The following PTPRD variants were observed in gnomAD, a reference collection of about 807,000 sequenced individuals.
PTPRD encodes the protein receptor-type tyrosine-protein phosphatase delta.
A neutral mutation model predicts 214.5 loss-of-function variants in PTPRD; 34 were observed. The observed-to-expected ratio is 0.16, with a 90% confidence interval of 0.12 to 0.21. The LOEUF (loss-of-function observed/expected upper bound fraction) is 0.21. PTPRD is among the 10% of genes least tolerant of loss of function. The pLI is 1.00. For synonymous variants in PTPRD, 1,128 were observed against 845.7 expected (o/e 1.33, Z -5.79); for missense variants, 2,545 against 2,398.7 (o/e 1.06, Z -1.27).
intron 5 of PTPRD, among the ~76,000 whole-genome samples, chr9:9,912,112 A>G (rs967138754): frequency 1.3e-5 from 2 of 152,208 alleles, no homozygotes; most frequent in Admixed American, 1.3e-4. Context: ...ACTATAAAAT[A>G]AAACCTTGAT....
At chr9:9,761,161 TAA>T (rs1423706382) in intron 6 of PTPRD, among the ~76,000 whole-genome samples, 1 of 152,176 alleles carries the variant, frequency 6.6e-6, no homozygotes, top group Non-Finnish European at 1.5e-5. Flanking sequence ...TTTCAACAGA[TAA>T]AAAGTTAAAC....
At chr9:9,186,346 C>T (rs945464) in intron 9 of PTPRD, among the ~76,000 whole-genome samples, 56,539 of 151,886 alleles carry the variant, frequency 0.37, 10,826 homozygotes, top group Non-Finnish European at 0.42. Flanking sequence ...AACTTTAAAG[C>T]GAAGATCTGT....
intron 8 of PTPRD, among the ~76,000 whole-genome samples, chr9:9,453,176 A>G (rs889652731): frequency 4.0e-5 from 6 of 151,538 alleles, no homozygotes; most frequent in Admixed American, 2.6e-4. Context: ...TGCAAACTTA[A>G]ATAATGTTAT....
At chr9:10,340,848 G>C (rs1354450843) in intron 3 of PTPRD, 115 bp downstream of exon 3, 1 of 151,872 alleles carries the variant, frequency 6.6e-6, no homozygotes, top group Non-Finnish European at 1.5e-5. Flanking sequence ...TTTAAGCAGG[G>C]ATAAGAACAT....
intron 14 of PTPRD, among the ~76,000 whole-genome samples, chr9:8,629,784 A>C (rs2096188448): frequency 6.6e-6 from 1 of 151,172 alleles, no homozygotes; most frequent in Admixed American, 6.6e-5. Context: ...CCCTACATTC[A>C]CCTCCCCCCT....
At chr9:8,770,918 G>A (rs566161320) in intron 11 of PTPRD, among the ~76,000 whole-genome samples, 1 of 151,940 alleles carries the variant, frequency 6.6e-6, no homozygotes, top group South Asian at 2.1e-4. Flanking sequence ...GGTGGCTCAC[G>A]CCTGTAATAC....
intron 11 of PTPRD, among the ~76,000 whole-genome samples, chr9:8,812,163 C>A (rs1008303795): frequency 3.3e-5 from 5 of 152,012 alleles, no homozygotes; most frequent in African/African-American, 1.2e-4. Context: ...GGCAAGATCC[C>A]CAACAGACTT....
intron 3 of PTPRD, among the ~76,000 whole-genome samples, chr9:10,325,643 A>T (rs1429809160): frequency 6.6e-6 from 1 of 151,974 alleles, no homozygotes; most frequent in African/African-American, 2.4e-5. Context: ...GGCATTAAAA[A>T]TGTTTAATTG....
intron 11 of PTPRD, among the ~76,000 whole-genome samples, chr9:8,790,336 A>G (rs994884704): frequency 1.3e-5 from 2 of 152,058 alleles, no homozygotes; most frequent in Non-Finnish European, 2.9e-5. Context: ...AAAAATAAAT[A>G]AATTTATTAT....
intron 8 of PTPRD, among the ~76,000 whole-genome samples, chr9:9,478,345 G>T (rs1009222162): frequency 6.6e-6 from 1 of 152,128 alleles, no homozygotes; most frequent in Non-Finnish European, 1.5e-5. Flanking sequence ...TAAGGTCTTG[G>T]ATTCTGACAT....
intron 9 of PTPRD, among the ~76,000 whole-genome samples, chr9:9,267,725 T>C (rs898602496): frequency 1.3e-5 from 2 of 151,050 alleles, no homozygotes; most frequent in African/African-American, 2.4e-5. Context: ...TGGCTTAACA[T>C]ACATAAATCA....
intron 9 of PTPRD, among the ~76,000 whole-genome samples, chr9:9,237,476 T>C (rs1280711574): frequency 6.6e-6 from 1 of 151,962 alleles, no homozygotes; most frequent in Non-Finnish European, 1.5e-5. Flanking sequence ...TCTCAAAAAC[T>C]GAGTATTTAA....
intron 23 of PTPRD, 109 bp from the exon 24 acceptor site, chr9:8,501,168 G>A: frequency 2.5e-6 from 2 of 792,534 alleles, no homozygotes; most frequent in Non-Finnish European, 3.9e-6. Flanking sequence ...CGAACAATAA[G>A]GACAAAATGA....
chr9:9,133,416 T>C (rs2099845879), intron 10 of PTPRD, among the ~76,000 whole-genome samples: 1 of 152,204 alleles, frequency 6.6e-6, no homozygotes, highest in Non-Finnish European at 1.5e-5. Flanking sequence ...ATAAATAATA[T>C]GGATTCAGTA....
At chr9:8,425,562 G>A (rs144744864) in intron 35 of PTPRD, among the ~76,000 whole-genome samples, 3 of 152,130 alleles carry the variant, frequency 2.0e-5, no homozygotes, top group African/African-American at 4.8e-5. Flanking sequence ...TTGCATTTCT[G>A]GCAAACTTCA....
rs1393109549 is a variant in PTPRD, at chr9:8,341,126, G to T, written c.5090C>A (p.Ser1697Tyr). 3.1e-6 allele frequency: 5 copies of T among 1,612,468 alleles called. No individual in the cohort carries two copies. The highest frequency in any genetic ancestry group is 1.7e-5 in the Admixed American group (1 of 59,834). Reference protein sequence around the residue: ...CLQPIRGVEGSDYINASFIDG... With the variant: ...CLQPIRGVEGYDYINASFIDG... ...AATAAAACTGGCATTGATGTAATCA[G>T]ATCCTTCTACTCCACGGATAGGCTG... is the stretch of plus-strand genomic sequence containing the variant. Residue 1697 changes from serine (S) to tyrosine (Y), a missense_variant, in exon 41 of 46, where the codon TCT becomes TAT. Ser to Tyr is a moderately radical substitution (Grantham distance 144). Coordinates refer to ENST00000381196, the MANE Select transcript of PTPRD (RefSeq NM_002839.4).
Position 8,748,532 on chromosome 9 carries a change from AAAAAAAAAG to A in PTPRD, c.-103-14595_-103-14587del, listed in dbSNP as rs1431918157. Among the ~76,000 whole-genome samples, 358 of 133,746 alleles carry A rather than the reference AAAAAAAAAG, an allele frequency of 2.7e-3. 2 individuals are homozygous for A. The highest frequency in any genetic ancestry group is 0.011 in the African/African-American group (326 of 30,648). 87.7% of individuals were successfully genotyped at this position (133,746 alleles called of 152,430 possible). The stretch of plus-strand genomic sequence containing the variant: ...TAAATCCTGCAACTGCAAAAAAAAA[AAAAAAAAAG>A]AAAAAGAAAAAGAAAAAGAAAATGC... On this transcript the variant is annotated intron_variant, in intron 11 of 45. Transcript: ENST00000381196.
At chr9:10,208,328 C>A (rs1458062278) in intron 3 of PTPRD, among the ~76,000 whole-genome samples, 3 of 152,158 alleles carry the variant, frequency 2.0e-5, no homozygotes, top group South Asian at 2.1e-4. Flanking sequence ...TCCTGGCTAA[C>A]ACGGTGAAAC....
At chr9:8,754,668 T>A (rs2093826180) in intron 11 of PTPRD, among the ~76,000 whole-genome samples, 1 of 152,242 alleles carries the variant, frequency 6.6e-6, no homozygotes, top group African/African-American at 2.4e-5. Flanking sequence ...AGAATATCTT[T>A]GTAGCCTTTC....
Sources: gnomAD v4.1 joint callset for allele counts (sites outside exome capture counted in the v4.1 genomes callset) on GRCh38, gnomAD v4.1.1 for gene constraint, MANE v1.5 for transcripts, NCBI Gene and HGNC (gene_info 2026-07-23, HGNC 2026-07-21) for gene names.